The following HUS1 variants were observed in gnomAD, a reference collection of about 807,000 sequenced individuals.
The protein encoded by HUS1 is checkpoint protein HUS1.
HUS1 carries 31 observed loss-of-function variants against 32.6 expected under a neutral mutation model. The observed-to-expected ratio is 0.95, with a 90% CI of 0.72 to 1.28. HUS1 has a LOEUF of 1.28. HUS1 is among the 50% of genes most tolerant of loss of function. The pLI, the probability that HUS1 is intolerant of heterozygous loss-of-function variation, is 0.00. For missense variants in HUS1, 340 were observed against 337.7 expected (o/e 1.01, Z -0.05); for synonymous variants, 123 against 116.6 (o/e 1.06, Z -0.36).
chr7:47,973,446 G>A (rs977055446), intron 5 of HUS1, among the ~76,000 whole-genome samples: 2 of 152,176 alleles, frequency 1.3e-5, no homozygotes, highest in African/African-American at 4.8e-5. Context: ...CTTAGAACAT[G>A]ATGTCAATTC....
chr7:47,972,884 G>A (rs527438645), intron 5 of HUS1, among the ~76,000 whole-genome samples: 1 of 152,240 alleles, frequency 6.6e-6, no homozygotes, highest in African/African-American at 2.4e-5. Context: ...AATATAGTAT[G>A]GCAATGATGT....
chr7:47,978,642 A>T (rs934762766), intron 2 of HUS1, 47 bp downstream of exon 2: 2 of 1,612,646 alleles, frequency 1.2e-6, no homozygotes, highest in East Asian at 4.5e-5. Flanking sequence ...TGATCTTTCC[A>T]GTGACAATCT....
Position 47,976,851 on chromosome 7 carries a change from A to G in HUS1, c.358-14T>C, listed in dbSNP as rs2307263. On this transcript the variant is annotated splice_polypyrimidine_tract_variant and intron_variant, in intron 3 of 7. Transcript: ENST00000258774. ...TGACATAGATAACTGCCAAGAAAAG[A>G]ATTTAAAAATATTTTTATGTTGTTA... is the stretch of plus-strand genomic sequence containing the variant. 3,423 of 1,527,874 alleles carry G rather than the reference A, an allele frequency of 2.2e-3. 6 individuals carry two copies. Among genetic ancestry groups the G allele is most frequent in the Non-Finnish European group, 2.8e-3 (3,141 of 1,103,476 alleles). The allele number at this position is 1,527,874 out of a possible 1,614,324, so 94.6% of individuals were successfully genotyped here.
chr7:47,966,343 G>C lies in HUS1; in HGVS notation c.761-905C>G, dbSNP rs1318510477. ...AATTTTTGCTACATCACAATTTGCT[G>C]GTCTTCCTTTCTCTGCTACACGTGG... On this transcript the variant is annotated intron_variant, in intron 7 of 7. Transcript: ENST00000258774. Among the ~76,000 whole-genome samples the C allele has an allele frequency of 2.0e-5, 3 of 152,290 alleles. No individual in the cohort carries two copies. In the East Asian group the frequency reaches 5.8e-4, roughly 29 times the overall value.
chr7:47,976,942 T>G, intron 3 of HUS1, 105 bp from the exon 4 acceptor site: 1 of 683,694 alleles, frequency 1.5e-6, no homozygotes, highest in Admixed American at 2.3e-5. Context: ...CAAATCTAAG[T>G]GGAATGCTGT....
intron 3 of HUS1, among the ~76,000 whole-genome samples, chr7:47,977,539 G>A (rs1014910993): frequency 9.9e-5 from 15 of 151,550 alleles, no homozygotes; most frequent in African/African-American, 3.7e-4. Context: ...CTTATACTGT[G>A]ACATGAAATG....
At position 47,978,642 on chromosome 7, in the gene HUS1, A is replaced by C. The variant is rs934762766; in HGVS notation, c.180+47T>G. On this transcript the variant is annotated intron_variant, in intron 2 of 7. Transcript: ENST00000258774. ...GAGGGAGGGTATATGTGATCTTTCC[A>C]GTGACAATCTGCAGAGTGTGCAGGC... The C allele has an allele frequency of 3.1e-6, 5 of 1,612,528 alleles. No individual in the cohort carries two copies. In the African/African-American group the frequency reaches 6.7e-5, roughly 22 times the overall value.
In HUS1 at chr7:47,978,828, G is replaced by A. The variant is rs1351832781; in HGVS notation, c.53-12C>T. The stretch of plus-strand genomic sequence containing the variant: ...CATGTTACTGATTCCTAAAGCAGGG[G>A]TTAAAATAAGGAATTACTAAAATGC... On this transcript the variant is annotated splice_polypyrimidine_tract_variant and intron_variant, in intron 1 of 7. Coordinates refer to ENST00000258774, the MANE Select transcript of HUS1 (RefSeq NM_004507.4). 6 of 1,612,160 alleles carry A rather than the reference G, an allele frequency of 3.7e-6. No individual in the cohort carries two copies. The highest frequency in any genetic ancestry group is 4.2e-6 in the Non-Finnish European group (5 of 1,179,338).
intron 5 of HUS1, among the ~76,000 whole-genome samples, chr7:47,974,455 T>A (rs1788657696): frequency 6.6e-6 from 1 of 152,044 alleles, no homozygotes; most frequent in Non-Finnish European, 1.5e-5. Context: ...AAGCCATGTG[T>A]CAAATGGCAA....
intron 5 of HUS1, among the ~76,000 whole-genome samples, chr7:47,974,594 A>G (rs1478832699): frequency 6.6e-6 from 1 of 151,838 alleles, no homozygotes; most frequent in Non-Finnish European, 1.5e-5. Flanking sequence ...CAAGATCAAA[A>G]GTTTATGCTT....
At chr7:47,969,165 T>A (rs756702827) in intron 6 of HUS1, 54 bp downstream of exon 6, 200 of 836,290 alleles carry the variant, frequency 2.4e-4, no homozygotes, top group Middle Eastern at 1.1e-3. Flanking sequence ...ACAGGTAGGT[T>A]ATCTGAAACA....
chr7:47,974,594 AG>A (rs3176538), intron 5 of HUS1, among the ~76,000 whole-genome samples: 69,709 of 151,828 alleles, frequency 0.46, 16,735 homozygotes, highest in East Asian at 0.54. Flanking sequence ...CAAGATCAAA[AG>A]TTTATGCTTC....
In HUS1 at chr7:47,963,768, TG is replaced by T. The variant is rs1788418308; in HGVS notation, c.*1587del. 1 of 151,954 alleles carries T rather than the reference TG, an allele frequency of 6.6e-6. No individual in the cohort carries two copies. The allele number at this position is 151,954 out of a possible 1,614,324, so 9.4% of individuals were successfully genotyped here. A position where few individuals can be genotyped will look rare whatever the true frequency, so the allele number is the denominator to read the frequency against. The stretch of plus-strand genomic sequence containing the variant: ...TAAAAATACAAAAATTAGCCGGGCG[TG>T]GTGGCATGCGCCTGTAGTCCCAGCT... On this transcript the variant is annotated 3_prime_UTR_variant, in exon 8 of 8. Transcript: ENST00000258774.
At chr7:47,974,480 AAAG>A (rs757438568) in intron 5 of HUS1, among the ~76,000 whole-genome samples, 2 of 152,190 alleles carry the variant, frequency 1.3e-5, no homozygotes, top group Non-Finnish European at 2.9e-5. Context: ...ACTGAACAAA[AAAG>A]AAGAGGCATT....
chr7:47,970,783 T>C (rs1007547649), intron 5 of HUS1, among the ~76,000 whole-genome samples: 2 of 152,216 alleles, frequency 1.3e-5, no homozygotes, highest in Non-Finnish European at 2.9e-5. Context: ...AAATCCAAGC[T>C]GTGAAACAAA....
At chr7:47,977,659 A>G (rs1788733560) in intron 3 of HUS1, among the ~76,000 whole-genome samples, 1 of 152,150 alleles carries the variant, frequency 6.6e-6, no homozygotes, top group African/African-American at 2.4e-5. Flanking sequence ...TGGGAGGCCG[A>G]GGTAGGTGGA....
Position 47,977,108 on chromosome 7 carries a change from A to G in HUS1, c.358-271T>C, listed in dbSNP as rs534009625. Among the ~76,000 whole-genome samples, 4 of 152,292 alleles carry G rather than the reference A, an allele frequency of 2.6e-5. 1 individual carries two copies. The South Asian group carries it at 8.3e-4, about 32-fold the overall frequency. ...AAACAGATCAATAAAAATGCAAACA[A>G]ATGAAACTGTATGAAATGCTCATTA... On this transcript the variant is annotated intron_variant, in intron 3 of 7. Transcript: ENST00000258774.
At chr7:47,967,671 G>A in intron 7 of HUS1, 135 bp downstream of exon 7, 1 of 844,110 alleles carries the variant, frequency 1.2e-6, no homozygotes, top group Non-Finnish European at 1.7e-6. Flanking sequence ...GTTCTAGGAA[G>A]TTAAAGTCCA....
chr7:47,979,312 C>T (rs1788775956), intron 1 of HUS1, 156 bp downstream of exon 1: 1 of 497,238 alleles, frequency 2.0e-6, no homozygotes, highest in African/African-American at 2.0e-5. Flanking sequence ...CCGGCCCCAC[C>T]CTCCCGCGGC....
Sources: allele counts gnomAD v4.1 joint callset (sites outside exome capture counted in the v4.1 genomes callset), GRCh38; gene constraint gnomAD v4.1.1; transcripts MANE v1.5; gene names NCBI Gene and HGNC (gene_info 2026-07-23, HGNC 2026-07-21).